Variants in FOXP2 observed in about 807,000 individuals in gnomAD.
FOXP2 encodes forkhead box protein P2.
Under a neutral mutation model 115.8 loss-of-function variants are expected in FOXP2, and 12 were observed. That is an observed-to-expected ratio of 0.10 (90% CI 0.07 to 0.17). The LOEUF (loss-of-function observed/expected upper bound fraction) is 0.17. FOXP2 is among the 10% of genes least tolerant of loss of function. The probability of loss-of-function intolerance (pLI) is 1.00; values close to 1 mark genes in which losing one functional copy is unlikely to be tolerated. For synonymous variants in FOXP2, 328 were observed against 297.7 expected (o/e 1.10, Z -1.05); for missense variants, 629 against 843.5 (o/e 0.75, Z 3.15).
At chr7:114,558,807 A>C (rs921397540) in intron 3 of FOXP2, among the ~76,000 whole-genome samples, 5 of 152,058 alleles carry the variant, frequency 3.3e-5, no homozygotes, top group African/African-American at 1.2e-4. Flanking sequence ...GAAACTCATC[A>C]CTAATAGTTT....
intron 2 of FOXP2, among the ~76,000 whole-genome samples, chr7:114,387,618 A>T (rs1792485492): frequency 6.6e-6 from 1 of 152,180 alleles, no homozygotes; most frequent in South Asian, 2.1e-4. Context: ...TATGCAAGAA[A>T]AGTTAGCAAG....
intron 2 of FOXP2, among the ~76,000 whole-genome samples, chr7:114,318,004 A>G (rs1270340155): frequency 1.3e-5 from 2 of 152,124 alleles, no homozygotes; most frequent in African/African-American, 2.4e-5. Flanking sequence ...CACTTTCACC[A>G]TAAGGGCAGC....
chr7:114,668,495 C>T (rs1002080172), intron 16 of FOXP2: 2 of 152,086 alleles, frequency 1.3e-5, no homozygotes, highest in Non-Finnish European at 2.9e-5. Flanking sequence ...ACTCTCTTAC[C>T]TAAATTCTAC....
At chr7:114,319,304 C>G (rs545345811) in intron 2 of FOXP2, among the ~76,000 whole-genome samples, 1 of 152,192 alleles carries the variant, frequency 6.6e-6, no homozygotes, top group Non-Finnish European at 1.5e-5. Flanking sequence ...CCTCAGCTTC[C>G]TGGGGAAGCC....
intron 2 of FOXP2, among the ~76,000 whole-genome samples, chr7:114,456,322 T>G (rs993228271): frequency 6.6e-6 from 1 of 152,266 alleles, no homozygotes; most frequent in Admixed American, 6.5e-5. Flanking sequence ...AATCTGCAGT[T>G]TTTAAAACAG....
chr7:114,205,250 C>T (rs1486008455), intron 1 of FOXP2, among the ~76,000 whole-genome samples: 2 of 151,946 alleles, frequency 1.3e-5, no homozygotes, highest in Non-Finnish European at 2.9e-5. Flanking sequence ...TTTTATATTT[C>T]GATTGTATCA....
intron 2 of FOXP2, among the ~76,000 whole-genome samples, chr7:114,487,473 T>A (rs1458588388): frequency 6.6e-6 from 1 of 152,184 alleles, no homozygotes; most frequent in Non-Finnish European, 1.5e-5. Context: ...TCCATTGTCT[T>A]GGTGATTAAC....
At chr7:114,157,715 T>C (rs1792706173) in intron 1 of FOXP2, among the ~76,000 whole-genome samples, 1 of 151,928 alleles carries the variant, frequency 6.6e-6, no homozygotes, top group Non-Finnish European at 1.5e-5. Context: ...ATTAATGTGT[T>C]CCCCCACTTC....
chr7:114,223,813 AAATTT>A (rs1312468519), intron 1 of FOXP2, among the ~76,000 whole-genome samples: 3 of 151,774 alleles, frequency 2.0e-5, no homozygotes, highest in African/African-American at 7.2e-5. Context: ...GATGAAGTGA[AAATTT>A]AATTTTAATT....
chr7:114,311,789 C>T (rs1384443916), intron 2 of FOXP2, among the ~76,000 whole-genome samples: 2 of 152,106 alleles, frequency 1.3e-5, no homozygotes, highest in African/African-American at 4.8e-5. Flanking sequence ...TTCTTTATTA[C>T]TCTACATTTC....
At chr7:114,593,526 A>C (rs537137032) in intron 3 of FOXP2, among the ~76,000 whole-genome samples, 15 of 152,122 alleles carry the variant, frequency 9.9e-5, no homozygotes, top group Admixed American at 6.6e-4. Flanking sequence ...AAAAATCATT[A>C]TTTTAATTTG....
In FOXP2 at chr7:114,690,360, T is replaced by C. The variant is rs1023460511; in HGVS notation, c.*434T>C. The stretch of plus-strand genomic sequence containing the variant: ...ATTTTCCAGCATTCAGTAGTTGTAA[T>C]GTTAGAAACAATTGCTGGTCAAGTT... On this transcript the variant is annotated 3_prime_UTR_variant, in exon 17 of 17. Transcript: ENST00000350908. 5 of 454,106 alleles carry C rather than the reference T, an allele frequency of 1.1e-5. No individual in the cohort carries two copies. Among genetic ancestry groups the C allele is most frequent in the African/African-American group, 1.0e-4 (5 of 50,006 alleles). 28.1% of individuals were successfully genotyped at this position (454,106 alleles called of 1,614,324 possible). A position where few individuals can be genotyped will look rare whatever the true frequency, so the allele number is the denominator to read the frequency against.
At chr7:114,147,708 A>T (rs192391320) in intron 1 of FOXP2, among the ~76,000 whole-genome samples, 1 of 152,240 alleles carries the variant, frequency 6.6e-6, no homozygotes, top group African/African-American at 2.4e-5. Flanking sequence ...CATATCTTCC[A>T]AAGAAAAATG....
intron 2 of FOXP2, among the ~76,000 whole-genome samples, chr7:114,396,670 G>A (rs1353303962): frequency 2.8e-5 from 4 of 145,040 alleles, no homozygotes; most frequent in Admixed American, 2.0e-4. Flanking sequence ...GGGTTGAGAG[G>A]GTGGTGGTGG....
intron 16 of FOXP2, among the ~76,000 whole-genome samples, chr7:114,679,716 C>T (rs566641120): frequency 1.3e-5 from 2 of 152,102 alleles, no homozygotes; most frequent in Non-Finnish European, 2.9e-5. Context: ...TGTCCTCTCT[C>T]TCATCTCTGC....
At chr7:114,361,610 A>G (rs1333876577) in intron 2 of FOXP2, among the ~76,000 whole-genome samples, 1 of 152,076 alleles carries the variant, frequency 6.6e-6, no homozygotes, top group African/African-American at 2.4e-5. Context: ...TGTTTATGGA[A>G]ATTTTAGAAA....
chr7:114,402,115 C>T (rs1364061340), intron 2 of FOXP2, among the ~76,000 whole-genome samples: 2 of 152,216 alleles, frequency 1.3e-5, no homozygotes. Context: ...GAGCAAGACT[C>T]TGTCTCCAAA....
At chr7:114,515,798 C>T (rs747701842) in intron 2 of FOXP2, among the ~76,000 whole-genome samples, 4 of 152,104 alleles carry the variant, frequency 2.6e-5, no homozygotes, top group Admixed American at 6.6e-5. Context: ...TTGCTCATGC[C>T]TATGTCCTGA....
rs1273058958 is a variant in FOXP2 at position 114,649,531 on chromosome 7, GAGAT to G, written c.1095-2669_1095-2666del. Among the ~76,000 whole-genome samples, 9 of 151,960 alleles carry G rather than the reference GAGAT, an allele frequency of 5.9e-5. No homozygotes were observed. In the East Asian group the frequency reaches 1.7e-3, roughly 29 times the overall value. ...TTTTGAACAGTAATATGTAGTACCT[GAGAT>G]AGTTATAAAAACATAAAAGAGAATA... On this transcript the variant is annotated intron_variant, in intron 8 of 16. Coordinates refer to ENST00000350908, the MANE Select transcript of FOXP2 (RefSeq NM_014491.4).
Sources: allele counts gnomAD v4.1 joint callset (sites outside exome capture counted in the v4.1 genomes callset), GRCh38; gene constraint gnomAD v4.1.1; transcripts MANE v1.5; gene names NCBI Gene and HGNC (gene_info 2026-07-23, HGNC 2026-07-21).